Variants in TTC21A observed in about 807,000 individuals in gnomAD.
TTC21A encodes the protein tetratricopeptide repeat protein 21A.
A neutral mutation model predicts 156.4 loss-of-function variants in TTC21A; 128 were observed. The ratio of observed to expected loss-of-function variants is 0.82; its 90% CI spans 0.71 to 0.95. The LOEUF is 0.95. TTC21A is among the 40% of genes least tolerant of loss of function. The pLI is 0.00. For missense variants in TTC21A, 1,435 were observed against 1,602.3 expected (o/e 0.90, Z 1.78); for synonymous variants, 587 against 617.1 (o/e 0.95, Z 0.72).
rs2038975018 is a variant in TTC21A at position 39,134,578 on chromosome 3, C to CAGGGGAAAGCACATTCACTGT, written c.2862+254_2862+274dup. The CAGGGGAAAGCACATTCACTGT allele has an allele frequency of 1.7e-5, 10 of 586,982 alleles. No individual in the cohort carries two copies. The South Asian group carries it at 1.8e-4, about 11-fold the overall frequency. 36.4% of individuals were successfully genotyped at this position (586,982 alleles called of 1,614,324 possible). On this transcript the variant is annotated intron_variant, in intron 21 of 28. Transcript: ENST00000683103. This position sits in a 1 kb window ranked among gnomAD's most constrained non-coding sequence, Gnocchi z 4.6. ...AAGGTGGGGTGAGGTTGATTCACCC[C>CAGGGGAAAGCACATTCACTGT]AGGGGAAAGCACATTCACTGTAGGT...
chr3:39,115,165 A>AG (rs1305766462), intron 6 of TTC21A, among the ~76,000 whole-genome samples: 4 of 152,198 alleles, frequency 2.6e-5, no homozygotes, highest in African/African-American at 9.7e-5. Context: ...AGGGGAAAAA[A>AG]GTCACTGGTG....
Position 39,126,259 on chromosome 3 carries a change from A to AG in TTC21A, c.1393-1dup. 1 of 1,614,124 alleles carries AG rather than the reference A, an allele frequency of 6.2e-7. No homozygotes were observed. The highest frequency in any genetic ancestry group is 8.5e-7 in the Non-Finnish European group (1 of 1,180,002). ...CCCACCTCCACCGCCGTGTTCCCAC[A>AG]GCCCAGGTTACCAGGCCAGATCGTG... On this transcript the variant is annotated splice_acceptor_variant, in intron 11 of 28. Coordinates refer to ENST00000683103, the MANE Select transcript of TTC21A (RefSeq NM_001366900.1). LOFTEE classifies it high-confidence loss of function.
At chr3:39,113,455 C>T (rs1411673766) in intron 5 of TTC21A, among the ~76,000 whole-genome samples, 1 of 152,232 alleles carries the variant, frequency 6.6e-6, no homozygotes, top group Non-Finnish European at 1.5e-5. Context: ...GTGAGCTCCC[C>T]ATCAGTGCCT....
At chr3:39,112,868 GCTT>G (rs1385794190) in intron 5 of TTC21A, among the ~76,000 whole-genome samples, 1 of 152,038 alleles carries the variant, frequency 6.6e-6, no homozygotes, top group Non-Finnish European at 1.5e-5. Context: ...ACCCTCTCAG[GCTT>G]TCTCTCTGCC....
Position 39,125,377 on chromosome 3 carries a change from G to C in TTC21A, c.1237G>C (p.Gly413Arg). ...QALLMSRKHK[G>R]EEETTALLKE... ...CCTCCTGATGTCCAGGAAGCACAAG[G>C]GGGAGGAAGAGACCACAGCGCTCCT... Residue 413 changes from glycine to arginine, a missense_variant, in exon 11 of 29, where the codon GGG becomes CGG. Coordinates refer to ENST00000683103, the MANE Select transcript of TTC21A (RefSeq NM_001366900.1). 2.5e-6 allele frequency: 4 copies of C among 1,614,178 alleles called. No homozygotes were observed. Among genetic ancestry groups the C allele is most frequent in the African/African-American group, 2.7e-5 (2 of 75,044 alleles).
Position 39,134,556 on chromosome 3 carries a change from GT to G in TTC21A, c.2862+229del. Reference sequence around the variant, plus strand: ...CATCAATCTCCTGGGCCAGTCTAAGGTGGGGTGAGGTTGATTCACCCCAGGG... The same window carrying G: ...CATCAATCTCCTGGGCCAGTCTAAGGGGGGTGAGGTTGATTCACCCCAGGG... On this transcript the variant is annotated intron_variant, in intron 21 of 28. Transcript: ENST00000683103. The surrounding 1 kb of genome is among the most constrained non-coding windows in gnomAD (Gnocchi z 4.6). The G allele has an allele frequency of 1.6e-6, 1 of 619,514 alleles. No individual in the cohort carries two copies. Among genetic ancestry groups the G allele is most frequent in the East Asian group, 2.8e-5 (1 of 35,278 alleles). 38.4% of individuals were successfully genotyped at this position (619,514 alleles called of 1,614,324 possible).
chr3:39,108,086 A>C, intron 1 of TTC21A: 2 of 590,184 alleles, frequency 3.4e-6, no homozygotes, highest in Admixed American at 3.0e-5. Context: ...GCTACCCCAA[A>C]CCAGCTCATC....
intron 19 of TTC21A, chr3:39,131,718 G>C (rs2038742192): frequency 1.3e-5 from 2 of 152,108 alleles, no homozygotes; most frequent in South Asian, 4.1e-4. Flanking sequence ...ATGGTGGGCG[G>C]GGGGTGCCGA....
At chr3:39,110,784 G>A in intron 3 of TTC21A, 67 bp from the exon 4 acceptor site, 2 of 1,581,930 alleles carry the variant, frequency 1.3e-6, no homozygotes, top group South Asian at 2.2e-5. Context: ...GCCCTCGGTG[G>A]CCCATGCAGA....
chr3:39,109,931 C>G (rs889904199), intron 2 of TTC21A, 98 bp from the exon 3 acceptor site: 27 of 830,828 alleles, frequency 3.2e-5, no homozygotes, highest in Middle Eastern at 2.4e-4. Context: ...ACCAGTTAGT[C>G]CAGCAGGTAG....
chr3:39,137,598 GTGAGGC>G lies in TTC21A; in HGVS notation c.3569_3574del (p.Ala1190_Glu1191del). On this transcript the variant is annotated inframe_deletion, in exon 26 of 29. Coordinates refer to ENST00000683103, the MANE Select transcript of TTC21A (RefSeq NM_001366900.1). ...CTGGCCAAGACCCCCTGGGTGCTGA[GTGAGGC>G]TGAGGACCTGGAGAAGAGCTGGCTC... 1 of 1,614,272 alleles carries G rather than the reference GTGAGGC, an allele frequency of 6.2e-7. No individual in the cohort carries two copies. Among genetic ancestry groups the G allele is most frequent in the Non-Finnish European group, 8.5e-7 (1 of 1,180,046 alleles).
In TTC21A at chr3:39,138,846, G is replaced by T; in HGVS notation, c.*58G>T. 2 of 1,472,256 alleles carry T rather than the reference G, an allele frequency of 1.4e-6. No homozygotes were observed. The highest frequency in any genetic ancestry group is 1.2e-5 in the South Asian group (1 of 85,678). 91.2% of individuals were successfully genotyped at this position (1,472,256 alleles called of 1,614,324 possible). A position where few individuals can be genotyped will look rare whatever the true frequency, so the allele number is the denominator to read the frequency against. ...ATCAACCTACTGAAGTTGTGTGGAGGGATGGAAAGTGGGTCAGTGGAGAAG... is the reference window on the plus strand; with the variant it reads ...ATCAACCTACTGAAGTTGTGTGGAGTGATGGAAAGTGGGTCAGTGGAGAAG... On this transcript the variant is annotated 3_prime_UTR_variant, in exon 29 of 29. Coordinates refer to ENST00000683103, the MANE Select transcript of TTC21A (RefSeq NM_001366900.1).
chr3:39,138,567 G>C lies in TTC21A; in HGVS notation c.3808G>C (p.Ala1270Pro). 1 of 1,614,206 alleles carries C rather than the reference G, an allele frequency of 6.2e-7. No homozygotes were observed. The highest frequency in any genetic ancestry group is 1.1e-5 in the South Asian group (1 of 91,088). The change falls in exon 28 of 29, where the codon GCT becomes CCT. Residue 1270 changes from alanine (A) to proline (P), a missense_variant. Physicochemically the swap from Ala to Pro is conservative, Grantham distance 27. Coordinates refer to ENST00000683103, the MANE Select transcript of TTC21A (RefSeq NM_001366900.1). ...CATGTCCCCGGTAGGCTTCAAACTT[G>C]CTTTCAACTACCTGAAGGACAAGAA... ...HANPAIGFKL[A>P]FNYLKDKKFV...
Position 39,133,063 on chromosome 3 carries a change from C to T in TTC21A, c.2574C>T (p.Leu858=), listed in dbSNP as rs570360940. 24 of 1,614,180 alleles carry T rather than the reference C, an allele frequency of 1.5e-5. 1 individual carries two copies. In the African/African-American group the frequency reaches 3.1e-4, roughly 21 times the overall value. The part of the protein sequence containing the change: ...VIETLNKALD[L]QSRILKRVPL... The stretch of plus-strand genomic sequence containing the variant: ...ATTGGTTTCTCGAGGCCTTGGACCT[C>T]CAGTCTCGGATACTGAAGCGAGTTC... Residue 858 remains leucine (L), a synonymous_variant, in exon 20 of 29, where the codon CTC becomes CTT. Transcript: ENST00000683103.
Position 39,137,165 on chromosome 3 carries a change from GTGTC to G in TTC21A, c.3258-27_3258-24del, listed in dbSNP as rs769384330. 45 of 1,604,142 alleles carry G rather than the reference GTGTC, an allele frequency of 2.8e-5. No individual in the cohort carries two copies. The East Asian group carries it at 9.8e-4, about 35-fold the overall frequency. On this transcript the variant is annotated intron_variant, in intron 24 of 28. Transcript: ENST00000683103. ...GGCCACACGGGCAGGCCACCGGCCT[GTGTC>G]TGATACCCAGGTCTAACACCTGCAG...
rs572025005 is a variant in TTC21A, at chr3:39,134,653, G to T, written c.2862+325G>T. 9 of 489,790 alleles carry T rather than the reference G, an allele frequency of 1.8e-5. No homozygotes were observed. The South Asian group carries it at 1.8e-4, about 10-fold the overall frequency. The allele number at this position is 489,790 out of a possible 1,614,324, so 30.3% of individuals were successfully genotyped here. ...TGGGGCTTCAGGAAAAGCCCTCCTC[G>T]GTCCTGCCTCTCTCTTCCCTATCAT... On this transcript the variant is annotated intron_variant, in intron 21 of 28. Transcript: ENST00000683103. This position sits in a 1 kb window ranked among gnomAD's most constrained non-coding sequence, Gnocchi z 4.6.
chr3:39,136,562 A>G (rs1214585055), intron 23 of TTC21A, 55 bp downstream of exon 23: 2 of 1,587,592 alleles, frequency 1.3e-6, no homozygotes, highest in Admixed American at 3.4e-5. Flanking sequence ...CCCTACTGGC[A>G]GATAGGCTAG....
chr3:39,112,226 C>T (rs752737363), intron 4 of TTC21A, among the ~76,000 whole-genome samples: 3 of 152,094 alleles, frequency 2.0e-5, no homozygotes, highest in African/African-American at 7.2e-5. Context: ...TGGTAATGGA[C>T]ATTAGGTGAA....
rs775614896 is a variant in TTC21A at position 39,129,235 on chromosome 3, T to A, written c.2060T>A (p.Met687Lys). The part of the protein sequence containing the change: ...RNILPKQSCY[M>K]EAREKMANIY... ...ATCTTGCCCAAGCAGTCCTGCTATA[T>A]GGAAGCCAGAGAGAAGATGGCCAAC... Residue 687 changes from methionine to lysine, a missense_variant, in exon 15 of 29, where the codon ATG becomes AAG. Physicochemically the swap from Met to Lys is moderately conservative, Grantham distance 95. Coordinates refer to ENST00000683103, the MANE Select transcript of TTC21A (RefSeq NM_001366900.1). 2.5e-6 allele frequency: 4 copies of A among 1,614,138 alleles called. No homozygotes were observed. The highest frequency in any genetic ancestry group is 1.3e-5 in the African/African-American group (1 of 74,940).
Sources: allele counts gnomAD v4.1 joint callset (sites outside exome capture counted in the v4.1 genomes callset), GRCh38; gene constraint gnomAD v4.1.1; non-coding constraint Gnocchi (gnomAD v3.1); transcripts MANE v1.5; gene names NCBI Gene and HGNC (gene_info 2026-07-23, HGNC 2026-07-21).